ZNF717: variants seen among roughly 807,000 people sequenced by gnomAD.
ZNF717 encodes zinc finger protein 717, also known as krueppel-like factor X17.
A neutral mutation model predicts 13.8 loss-of-function variants in ZNF717; 9 were observed. The ratio of observed to expected loss-of-function variants is 0.65; its 90% CI spans 0.39 to 1.14. The LOEUF (loss-of-function observed/expected upper bound fraction) is 1.14, where lower values mean the gene tolerates loss of function less well. Among genes scored for constraint, ZNF717 ranks in the 50% most tolerant of loss-of-function variants. The pLI is 0.01. For synonymous variants in ZNF717, 327 were observed against 364.1 expected (o/e 0.90, Z 1.16); for missense variants, 1,040 against 1,080.7 (o/e 0.96, Z 0.53).
intron 2 of ZNF717, among the ~76,000 whole-genome samples, chr3:75,744,082 T>A (rs1446665530): frequency 6.6e-6 from 1 of 152,222 alleles, no homozygotes; most frequent in African/African-American, 2.4e-5. Context: ...ACAGAAACAC[T>A]AACATTTACA....
rs1940391698 is a variant in ZNF717, at chr3:75,741,276, CT to C, written c.276del (p.Ala93LeufsTer24). The C allele has an allele frequency of 3.0e-6, 2 of 673,940 alleles. No homozygotes were observed. The highest frequency in any genetic ancestry group is 4.4e-5 in the African/African-American group (2 of 45,534). The allele number at this position is 673,940 out of a possible 1,614,324, so 41.7% of individuals were successfully genotyped here. ...CCCTGCCTGGTATTCACTGACTGAC[CT>C]GAAAGTCTCAGGTTTGGGGTTTCTT... ...IVEETPNLRL[S>X]AVQIIDDLIE... On this transcript the variant is annotated frameshift_variant and splice_region_variant, in exon 4 of 5. Coordinates refer to ENST00000652011, the MANE Select transcript of ZNF717 (RefSeq NM_001290208.3). LOFTEE classifies it low-confidence loss of function (END_TRUNC).
chr3:75,724,461 G>T (rs1821927), intron 4 of ZNF717, among the ~76,000 whole-genome samples: 3 of 151,536 alleles, frequency 2.0e-5, no homozygotes, highest in African/African-American at 7.3e-5. Context: ...CCAACTGGTC[G>T]CAAACTCTTG....
intron 5 of ZNF717, among the ~76,000 whole-genome samples, chr3:75,712,144 A>G (rs1361490990): frequency 6.6e-6 from 1 of 152,272 alleles, no homozygotes; most frequent in Non-Finnish European, 1.5e-5. Flanking sequence ...TTATCACCTC[A>G]GCCAAGCACA....
At chr3:75,767,558 A>T (rs1331617705) in intron 2 of ZNF717, among the ~76,000 whole-genome samples, 30 of 152,320 alleles carry the variant, frequency 2.0e-4, no homozygotes, top group African/African-American at 6.7e-4. Context: ...CTGGAAGGGC[A>T]TCAAGACTCT....
chr3:75,782,091 GTT>G (rs1432746372), intron 2 of ZNF717, among the ~76,000 whole-genome samples: 1 of 152,122 alleles, frequency 6.6e-6, no homozygotes, highest in Non-Finnish European at 1.5e-5. Context: ...AAAGTGTGGC[GTT>G]TCTCTCTAAC....
At chr3:75,764,642 A>C (rs1306873457) in intron 2 of ZNF717, among the ~76,000 whole-genome samples, 1 of 152,252 alleles carries the variant, frequency 6.6e-6, no homozygotes, top group Non-Finnish European at 1.5e-5. Flanking sequence ...GATGATATAC[A>C]AATAGCCAAC....
At chr3:75,704,273 T>C (rs1227486397) in intron 6 of ZNF717, among the ~76,000 whole-genome samples, 19 of 152,082 alleles carry the variant, frequency 1.2e-4, no homozygotes, top group African/African-American at 4.6e-4. Context: ...TCACCTCAAA[T>C]TTTTTCTGCA....
intron 6 of ZNF717, among the ~76,000 whole-genome samples, chr3:75,699,195 C>G: frequency 6.6e-6 from 1 of 152,428 alleles, no homozygotes; most frequent in East Asian, 1.9e-4. Flanking sequence ...TTCTATTTTA[C>G]AGGCTTATAG....
At chr3:75,733,394 G>T (rs74633127), downstream of ZNF717, among the ~76,000 whole-genome samples, 51,045 of 149,216 alleles carry the variant, frequency 0.34, 4,195 homozygotes, top group Admixed American at 0.37. Flanking sequence ...CTACACCTAG[G>T]CATATTATTC....
At chr3:75,781,086 C>G (rs918078267) in intron 2 of ZNF717, among the ~76,000 whole-genome samples, 3 of 152,278 alleles carry the variant, frequency 2.0e-5, no homozygotes, top group African/African-American at 7.2e-5. Flanking sequence ...TTAAAGTGAA[C>G]TAAGTATGGC....
intron 4 of ZNF717, among the ~76,000 whole-genome samples, chr3:75,723,607 C>G (rs1483656845): frequency 6.6e-6 from 1 of 152,190 alleles, no homozygotes; most frequent in African/African-American, 2.4e-5. Context: ...CCAGTCCATA[C>G]AGAGATAGGA....
At position 75,738,043 on chromosome 3, in the gene ZNF717, C is replaced by G; in HGVS notation, c.1580G>C (p.Arg527Thr). Residue 527 changes from arginine (R) to threonine (T), a missense_variant, in exon 5 of 5, where the codon AGA becomes ACA. This residue lies in a region of ZNF717 where 873 missense variants were observed against 832.8 expected (regional missense o/e 1.05). Coordinates refer to ENST00000652011, the MANE Select transcript of ZNF717 (RefSeq NM_001290208.3). The part of the protein sequence containing the change: ...RCKSFLTVHQ[R>T]THAGEKPYAC... ...GTATGGTTTTTCCCCAGCATGAGTTCTCTGATGGACAGTGAGGAATGACTT... is the reference window on the plus strand; with the variant it reads ...GTATGGTTTTTCCCCAGCATGAGTTGTCTGATGGACAGTGAGGAATGACTT... 1.3e-5 allele frequency: 18 copies of G among 1,342,520 alleles called. No homozygotes were observed. The highest frequency in any genetic ancestry group is 2.9e-5 in the South Asian group (2 of 68,852). 83.2% of individuals were successfully genotyped at this position (1,342,520 alleles called of 1,614,324 possible).
chr3:75,743,256 G>A (rs78285297), intron 2 of ZNF717, among the ~76,000 whole-genome samples: 2 of 152,136 alleles, frequency 1.3e-5, no homozygotes, highest in South Asian at 2.1e-4. Context: ...CTACATAAAT[G>A]GCTGTTATAC....
intron 2 of ZNF717, among the ~76,000 whole-genome samples, chr3:75,773,198 GAAA>G (rs996801764): frequency 1.4e-5 from 2 of 142,760 alleles, no homozygotes; most frequent in African/African-American, 2.6e-5. Flanking sequence ...GCTTAGGTAG[GAAA>G]AAAAAAATCA....
chr3:75,776,115 TGTTA>T (rs1010360969), intron 2 of ZNF717, among the ~76,000 whole-genome samples: 17 of 152,404 alleles, frequency 1.1e-4, no homozygotes, highest in Admixed American at 3.3e-4. Flanking sequence ...GTAAGTCTAA[TGTTA>T]ATTAAGCACG....
intron 2 of ZNF717, among the ~76,000 whole-genome samples, chr3:75,751,994 A>G (rs1397616864): frequency 1.3e-5 from 2 of 151,694 alleles, no homozygotes; most frequent in South Asian, 2.1e-4. Flanking sequence ...TTTGTCCTTC[A>G]CATATGATTC....
At chr3:75,773,687 T>C (rs538469254) in intron 2 of ZNF717, among the ~76,000 whole-genome samples, 3 of 152,302 alleles carry the variant, frequency 2.0e-5, no homozygotes, top group Admixed American at 6.5e-5. Context: ...TGATTTTCCA[T>C]TGTGATGCAG....
At chr3:75,770,572 A>C (rs1559673275) in intron 2 of ZNF717, among the ~76,000 whole-genome samples, 1 of 152,222 alleles carries the variant, frequency 6.6e-6, no homozygotes, top group Non-Finnish European at 1.5e-5. Context: ...AAAGAAAAAA[A>C]AATTGAAAAT....
downstream of ZNF717, among the ~76,000 whole-genome samples, chr3:75,733,869 GAA>G (rs199927677): frequency 1.4e-4 from 17 of 118,226 alleles, no homozygotes; most frequent in Non-Finnish European, 2.3e-4. Flanking sequence ...ATGCTGAGAG[GAA>G]AAAAAAAAAA....
Sources: gnomAD v4.1 joint callset for allele counts (sites outside exome capture counted in the v4.1 genomes callset) on GRCh38, gnomAD v4.1.1 for gene constraint, gnomAD v4.1.1 regional missense constraint, MANE v1.5 for transcripts, NCBI Gene and HGNC (gene_info 2026-07-23, HGNC 2026-07-21) for gene names.